The following ZNF789 variants were observed in gnomAD, a reference collection of about 807,000 sequenced individuals.
ZNF789 encodes zinc finger protein 789.
Under a neutral mutation model 15.6 loss-of-function variants are expected in ZNF789, and 11 were observed. The observed-to-expected ratio is 0.70, with a 90% CI of 0.44 to 1.16. The LOEUF is 1.16. ZNF789 is among the 50% of genes most tolerant of loss of function. ZNF789 has a pLI of 0.00. For missense variants in ZNF789, 461 were observed against 512.6 expected (o/e 0.90, Z 0.97); for synonymous variants, 159 against 176.0 (o/e 0.90, Z 0.76).
chr7:99,485,497 T>TCTA, intron 4 of ZNF789: 1 of 501,138 alleles, frequency 2.0e-6, no homozygotes, highest in Non-Finnish European at 3.5e-6. Flanking sequence ...ATCCTATACT[T>TCTA]TGTCCATTTT....
intron 1 of ZNF789, among the ~76,000 whole-genome samples, chr7:99,475,703 G>A (rs954697605): frequency 6.6e-5 from 10 of 152,094 alleles, no homozygotes; most frequent in African/African-American, 2.4e-4. Flanking sequence ...GGATAAAGCT[G>A]TTATTGATCA....
chr7:99,486,100 C>T (rs1305114291), intron 4 of ZNF789, among the ~76,000 whole-genome samples: 2 of 152,034 alleles, frequency 1.3e-5, no homozygotes, highest in African/African-American at 4.8e-5. Flanking sequence ...GGTGGATCAC[C>T]TGAGGTCAGG....
At chr7:99,476,818 TTCTG>T (rs1037307214) in intron 2 of ZNF789, among the ~76,000 whole-genome samples, 1 of 152,230 alleles carries the variant, frequency 6.6e-6, no homozygotes, top group Non-Finnish European at 1.5e-5. Flanking sequence ...TGCCCATTGT[TTCTG>T]TCTGTGAGCA....
Position 99,486,923 on chromosome 7 carries a change from T to C in ZNF789, c.713T>C (p.Phe238Ser). Residue 238 changes from phenylalanine to serine, a missense_variant, in exon 5 of 5, where the codon TTC becomes TCC. Transcript: ENST00000331410. ...GAGTGTAAGGTCTGTGGGCAAGCCT[T>C]CAGACAGCGGTCAGCTCTTACGGTC... is the stretch of plus-strand genomic sequence containing the variant. ...PFECKVCGQA[F>S]RQRSALTVHK... 2 of 1,614,176 alleles carry C rather than the reference T, an allele frequency of 1.2e-6. No individual in the cohort carries two copies. The highest frequency in any genetic ancestry group is 1.7e-6 in the Non-Finnish European group (2 of 1,180,044).
chr7:99,475,174 CCT>C (rs1372561386), intron 1 of ZNF789, among the ~76,000 whole-genome samples: 3 of 152,178 alleles, frequency 2.0e-5, no homozygotes, highest in African/African-American at 7.2e-5. Context: ...GGGTGGATCA[CCT>C]GAGATCAGGA....
intron 1 of ZNF789, among the ~76,000 whole-genome samples, chr7:99,473,929 T>G (rs75416189): frequency 1.3e-5 from 2 of 152,268 alleles, no homozygotes; most frequent in Non-Finnish European, 2.9e-5. Context: ...CTGTTGTTTT[T>G]AAGAGAGACA....
rs10274078 is a variant in ZNF789 at position 99,476,942 on chromosome 7, C to G, written c.24+462C>G. Among the ~76,000 whole-genome samples the G allele has an allele frequency of 4.7e-3, 719 of 152,280 alleles. 3 individuals carry two copies. The highest frequency in any genetic ancestry group is 0.016 in the African/African-American group (664 of 41,554). On this transcript the variant is annotated intron_variant, in intron 2 of 4. Transcript: ENST00000331410. Reference sequence around the variant, plus strand: ...ATTAGAGAGATAGTTGTGTAAGGAACTTCTCATAATAAATTCTGAACTGTT... The same window carrying G: ...ATTAGAGAGATAGTTGTGTAAGGAAGTTCTCATAATAAATTCTGAACTGTT...
chr7:99,486,324 T>G (rs1202928967), intron 4 of ZNF789, 152 bp from the exon 5 acceptor site: 3 of 790,914 alleles, frequency 3.8e-6, no homozygotes, highest in Non-Finnish European at 5.8e-6. Context: ...CAAAAAAAAA[T>G]TTCAGAGTTT....
At chr7:99,484,319 G>A (rs1231782451) in intron 4 of ZNF789, among the ~76,000 whole-genome samples, 176 bp downstream of exon 4, 1 of 152,180 alleles carries the variant, frequency 6.6e-6, no homozygotes, top group Non-Finnish European at 1.5e-5. Flanking sequence ...TTTCCCAGAT[G>A]AAGAAACTAA....
chr7:99,476,357 G>A (rs1799333053), intron 1 of ZNF789, 46 bp from the exon 2 acceptor site: 4 of 1,423,954 alleles, frequency 2.8e-6, no homozygotes, highest in African/African-American at 2.9e-5. Flanking sequence ...CCAACCAAGA[G>A]AGCTTCAAAT....
intron 1 of ZNF789, among the ~76,000 whole-genome samples, chr7:99,473,567 G>C (rs966197781): frequency 2.0e-5 from 3 of 152,084 alleles, no homozygotes; most frequent in African/African-American, 4.8e-5. Context: ...TCATGCGGAC[G>C]AGAAAAAAGC....
chr7:99,476,728 C>T (rs1394602434), intron 2 of ZNF789, among the ~76,000 whole-genome samples: 1 of 152,222 alleles, frequency 6.6e-6, no homozygotes, highest in African/African-American at 2.4e-5. Context: ...CAATGAAAAA[C>T]ACCCTGTGAA....
chr7:99,482,410 G>A (rs1450191964), intron 3 of ZNF789: 7 of 603,872 alleles, frequency 1.2e-5, no homozygotes, highest in Admixed American at 5.5e-5. Context: ...CACTGGTCAC[G>A]TGAGGTCAGG....
intron 2 of ZNF789, 81 bp downstream of exon 2, chr7:99,476,561 C>T (rs959922082): frequency 1.3e-5 from 20 of 1,565,038 alleles, no homozygotes; most frequent in East Asian, 9.2e-5. Flanking sequence ...CCCTCTTGAT[C>T]AATGTGGGGA....
intron 3 of ZNF789, chr7:99,481,222 A>C (rs1799608815): frequency 6.6e-6 from 1 of 152,186 alleles, no homozygotes; most frequent in African/African-American, 2.4e-5. Flanking sequence ...TTGTTTTCCC[A>C]TGTGGGGACA....
Position 99,484,059 on chromosome 7 carries a change from T to G in ZNF789, c.181T>G (p.Cys61Gly), listed in dbSNP as rs1194322950. 6.2e-7 allele frequency: 1 copy of G among 1,614,138 alleles called. No homozygotes were observed. Among genetic ancestry groups the G allele is most frequent in the Non-Finnish European group, 8.5e-7 (1 of 1,180,024 alleles). ...GFQFPKPEMI[C>G]QLENWDEQWI... ...TCAGTTTCCCAAACCTGAGATGATC[T>G]GTCAGCTGGAGAACTGGGACGAGCA... The change falls in exon 4 of 5, where the codon TGT becomes GGT. Residue 61 changes from cysteine (C) to glycine (G), a missense_variant. Transcript: ENST00000331410.
chr7:99,478,196 T>C (rs1164112351), intron 2 of ZNF789: 2 of 1,013,660 alleles, frequency 2.0e-6, no homozygotes, highest in Non-Finnish European at 2.7e-6. Flanking sequence ...ATTGTGGATG[T>C]TAGGAGAGGA....
At chr7:99,485,413 C>T (rs1206884631) in intron 4 of ZNF789, 6 of 670,374 alleles carry the variant, frequency 9.0e-6, no homozygotes, top group East Asian at 8.1e-5. Flanking sequence ...AAACCCTGTT[C>T]ACCCCTAGTT....
chr7:99,483,428 G>C (rs1022459074), intron 3 of ZNF789, among the ~76,000 whole-genome samples: 5 of 151,812 alleles, frequency 3.3e-5, no homozygotes, highest in African/African-American at 1.2e-4. Context: ...TCAGGAGTTC[G>C]AGACCAGCCT....
Sources: gnomAD v4.1 joint callset for allele counts (sites outside exome capture counted in the v4.1 genomes callset) on GRCh38, gnomAD v4.1.1 for gene constraint, MANE v1.5 for transcripts, NCBI Gene and HGNC (gene_info 2026-07-23, HGNC 2026-07-21) for gene names.